The following ARHGEF28 variants were observed in gnomAD, a reference collection of about 807,000 sequenced individuals.
ARHGEF28 encodes 190 kDa guanine nucleotide exchange factor.
Under a neutral mutation model 206.6 loss-of-function variants are expected in ARHGEF28, and 152 were observed. The ratio of observed to expected loss-of-function variants is 0.74; its 90% CI spans 0.64 to 0.84. The LOEUF is 0.84. Among genes scored for constraint, ARHGEF28 ranks in the 40% least tolerant of loss-of-function variants. The pLI, the probability that ARHGEF28 is intolerant of heterozygous loss-of-function variation, is 0.00. For synonymous variants in ARHGEF28, 763 were observed against 776.4 expected (o/e 0.98, Z 0.29); for missense variants, 2,028 against 2,073.2 (o/e 0.98, Z 0.42).
chr5:73,800,648 GA>G (rs375244648), intron 9 of ARHGEF28, among the ~76,000 whole-genome samples: 2 of 151,784 alleles, frequency 1.3e-5, no homozygotes, highest in East Asian at 3.9e-4. Flanking sequence ...AAACAAAACA[GA>G]AAAAAGAAAG....
chr5:73,740,130 T>C (rs1161341516), intron 2 of ARHGEF28, among the ~76,000 whole-genome samples: 1 of 142,632 alleles, frequency 7.0e-6, no homozygotes, highest in African/African-American at 2.6e-5. Context: ...TGAGCTATGA[T>C]CATGTCACTG....
chr5:73,808,729 C>G (rs1368589956), intron 9 of ARHGEF28, among the ~76,000 whole-genome samples: 4 of 152,138 alleles, frequency 2.6e-5, no homozygotes, highest in African/African-American at 9.7e-5. Flanking sequence ...TATTTTATGA[C>G]TTTCCAGGAA....
chr5:73,728,077 G>A (rs56691811), intron 2 of ARHGEF28, among the ~76,000 whole-genome samples: 35,984 of 152,030 alleles, frequency 0.24, 4,637 homozygotes, highest in African/African-American at 0.31. Context: ...GGTGAAGTTC[G>A]TCTTGTTAGT....
chr5:73,687,824 T>C (rs961075052), intron 2 of ARHGEF28, among the ~76,000 whole-genome samples: 1 of 152,134 alleles, frequency 6.6e-6, no homozygotes, highest in African/African-American at 2.4e-5. Context: ...TGATAAGCTC[T>C]GTTGACATTT....
intron 14 of ARHGEF28, among the ~76,000 whole-genome samples, chr5:73,857,283 G>A (rs920558238): frequency 1.3e-5 from 2 of 152,144 alleles, no homozygotes; most frequent in African/African-American, 4.8e-5. Context: ...TACTAGCATA[G>A]TAAACAGGAA....
intron 2 of ARHGEF28, among the ~76,000 whole-genome samples, chr5:73,722,838 G>A (rs1332520747): frequency 6.6e-6 from 1 of 152,190 alleles, no homozygotes; most frequent in Non-Finnish European, 1.5e-5. Flanking sequence ...ATGTTTTAAA[G>A]TAGCCATTTT....
chr5:73,772,714 G>A (rs149014712), intron 4 of ARHGEF28, among the ~76,000 whole-genome samples: 3 of 152,238 alleles, frequency 2.0e-5, no homozygotes, highest in African/African-American at 7.2e-5. Flanking sequence ...GGTGGTGGGT[G>A]GGGCATGTTG....
At chr5:73,634,265 G>C (rs903870592) in intron 1 of ARHGEF28, among the ~76,000 whole-genome samples, 1 of 152,104 alleles carries the variant, frequency 6.6e-6, no homozygotes, top group Admixed American at 6.5e-5. Flanking sequence ...TTTCAAGTAG[G>C]CTTGTTCAAC....
In ARHGEF28 at chr5:73,909,474, G is replaced by A; in HGVS notation, c.4224G>A (p.Glu1408=). The A allele has an allele frequency of 6.2e-7, 1 of 1,612,986 alleles. No individual in the cohort carries two copies. Among genetic ancestry groups the A allele is most frequent in the East Asian group, 2.2e-5 (1 of 44,858 alleles). ...EIHRLVLQQQ[E]GLSLGHSILR... ...ACAGGCTGGTTCTCCAGCAGCAGGA[G>A]GGCCTGTCTCTCGGCCACTCTATCC... Residue 1408 remains glutamate, a synonymous_variant, in exon 34 of 36, where the codon GAG becomes GAA. Transcript: ENST00000513042.
intron 2 of ARHGEF28, among the ~76,000 whole-genome samples, chr5:73,718,659 C>G (rs1749736076): frequency 1.3e-5 from 2 of 152,176 alleles, no homozygotes; most frequent in Admixed American, 6.5e-5. Flanking sequence ...TTAGTTCTTG[C>G]TGATGCTGTT....
intron 22 of ARHGEF28, among the ~76,000 whole-genome samples, chr5:73,878,280 G>T (rs1418043974): frequency 6.7e-6 from 1 of 149,958 alleles, no homozygotes; most frequent in Non-Finnish European, 1.5e-5. Context: ...TTGCTTGGTA[G>T]ATCTTCCTCC....
intron 2 of ARHGEF28, among the ~76,000 whole-genome samples, chr5:73,741,378 TG>T: frequency 3.1e-5 from 1 of 32,010 alleles, no homozygotes; most frequent in Non-Finnish European, 5.5e-5. Context: ...TGTGTGTGTG[TG>T]TGTGTGTATA....
chr5:73,829,900 G>T (rs1757182108), intron 9 of ARHGEF28, among the ~76,000 whole-genome samples: 1 of 152,142 alleles, frequency 6.6e-6, no homozygotes, highest in African/African-American at 2.4e-5. Context: ...AATGAGAAAA[G>T]CTTGGGAAGT....
chr5:73,832,259 A>G, intron 9 of ARHGEF28, 79 bp from the exon 10 acceptor site: 1 of 1,486,828 alleles, frequency 6.7e-7, no homozygotes, highest in Non-Finnish European at 9.0e-7. Flanking sequence ...TTTTTTTCTT[A>G]TGGTCTAAGA....
At chr5:73,885,792 T>C in intron 24 of ARHGEF28, 58 bp from the exon 25 acceptor site, 1 of 1,504,602 alleles carries the variant, frequency 6.6e-7, no homozygotes, top group Non-Finnish European at 8.9e-7. Context: ...GTTTTCTTCC[T>C]TAGTACTCTG....
chr5:73,911,845 T>G (rs1407261165), intron 35 of ARHGEF28: 1 of 394,458 alleles, frequency 2.5e-6, no homozygotes, highest in East Asian at 4.0e-5. Context: ...GATGTGTGGG[T>G]TAAAATAATA....
intron 9 of ARHGEF28, among the ~76,000 whole-genome samples, chr5:73,816,077 A>T (rs867654225): frequency 2.6e-5 from 4 of 152,112 alleles, no homozygotes; most frequent in Non-Finnish European, 5.9e-5. Context: ...CATTTGACAG[A>T]TGAGGGGGTG....
chr5:73,736,844 GGGGAGGGA>G (rs771407287), intron 2 of ARHGEF28, among the ~76,000 whole-genome samples: 1 of 152,058 alleles, frequency 6.6e-6, no homozygotes, highest in Non-Finnish European at 1.5e-5. Context: ...AAGTTGGTGA[GGGGAGGGA>G]GGGAGGGAGG....
intron 7 of ARHGEF28, among the ~76,000 whole-genome samples, chr5:73,785,995 A>G (rs1325434804): frequency 6.8e-6 from 1 of 147,300 alleles, no homozygotes; most frequent in Non-Finnish European, 1.5e-5. Context: ...ATATCCATCC[A>G]TTCAGTAAAT....
Sources: allele counts gnomAD v4.1 joint callset (sites outside exome capture counted in the v4.1 genomes callset), GRCh38; gene constraint gnomAD v4.1.1; transcripts MANE v1.5; gene names NCBI Gene and HGNC (gene_info 2026-07-23, HGNC 2026-07-21).